Variants in DAB1 observed in about 807,000 individuals in gnomAD.
The protein encoded by DAB1 is DAB adaptor protein 1.
DAB1 carries 15 observed loss-of-function variants against 64.6 expected under a neutral mutation model. That is an observed-to-expected ratio of 0.23 (90% CI 0.16 to 0.36). DAB1 has a LOEUF of 0.36. Among genes scored for constraint, DAB1 ranks in the 10% least tolerant of loss-of-function variants. The pLI, the probability that DAB1 is intolerant of heterozygous loss-of-function variation, is 1.00. For synonymous variants in DAB1, 235 were observed against 251.9 expected (o/e 0.93, Z 0.64); for missense variants, 596 against 706.7 (o/e 0.84, Z 1.78).
chr1:57,466,689 G>T (rs767584133), intron 7 of DAB1, among the ~76,000 whole-genome samples: 1 of 152,172 alleles, frequency 6.6e-6, no homozygotes, highest in Non-Finnish European at 1.5e-5. Flanking sequence ...CTTAACTGGA[G>T]GCCCTGGGGA....
At chr1:58,451,020 G>C (rs995834339) in intron 3 of DAB1, among the ~76,000 whole-genome samples, 2 of 152,210 alleles carry the variant, frequency 1.3e-5, no homozygotes, top group African/African-American at 4.8e-5. Context: ...AGGAAAGCCT[G>C]AGAAAGTGTT....
chr1:58,488,280 T>C (rs1249666523), intron 3 of DAB1, among the ~76,000 whole-genome samples: 1 of 152,238 alleles, frequency 6.6e-6, no homozygotes, highest in Admixed American at 6.5e-5. Context: ...ATATTAATTT[T>C]ACTATACTAT....
chr1:58,166,514 G>T (rs1245790131), intron 4 of DAB1, among the ~76,000 whole-genome samples: 6 of 152,064 alleles, frequency 3.9e-5, no homozygotes, highest in Admixed American at 3.9e-4. Flanking sequence ...CACTGCCTGG[G>T]TATACTATAT....
chr1:57,000,463 T>C (rs1645817211), intron 14 of DAB1, among the ~76,000 whole-genome samples: 1 of 152,226 alleles, frequency 6.6e-6, no homozygotes, highest in Non-Finnish European at 1.5e-5. Flanking sequence ...CCCTTTGTCC[T>C]AAATACACTC....
At chr1:57,970,174 T>G (rs1420452876) in intron 5 of DAB1, among the ~76,000 whole-genome samples, 1 of 152,166 alleles carries the variant, frequency 6.6e-6, no homozygotes, top group Non-Finnish European at 1.5e-5. Flanking sequence ...AATAATAGCT[T>G]ATTGTCCATA....
At chr1:57,404,490 T>C (rs1457226868) in intron 1 of DAB1, among the ~76,000 whole-genome samples, 1 of 152,198 alleles carries the variant, frequency 6.6e-6, no homozygotes, top group African/African-American at 2.4e-5. Context: ...ATGGAACCCA[T>C]GCTGGTCTGA....
At chr1:57,325,393 T>G (rs1295866388) in intron 1 of DAB1, among the ~76,000 whole-genome samples, 1 of 152,180 alleles carries the variant, frequency 6.6e-6, no homozygotes, top group African/African-American at 2.4e-5. Flanking sequence ...CCCCAACACT[T>G]GGAGCACATT....
At chr1:58,251,239 T>C (rs1660787220) in intron 4 of DAB1, among the ~76,000 whole-genome samples, 1 of 152,194 alleles carries the variant, frequency 6.6e-6, no homozygotes, top group Admixed American at 6.5e-5. Context: ...AATTCACTCA[T>C]CAATAAATAT....
chr1:58,099,430 A>T (rs776241650), intron 5 of DAB1, among the ~76,000 whole-genome samples: 6 of 152,224 alleles, frequency 3.9e-5, no homozygotes, highest in Non-Finnish European at 8.8e-5. Flanking sequence ...TTTATTGATG[A>T]CCGTCTACGT....
intron 3 of DAB1, among the ~76,000 whole-genome samples, chr1:58,379,973 G>A (rs6699998): frequency 0.097 from 14,758 of 152,018 alleles, 841 homozygotes; most frequent in Middle Eastern, 0.17. Context: ...CCTATGTTTG[G>A]TCTAATGAAA....
At chr1:57,642,830 C>G (rs918661055) in intron 7 of DAB1, among the ~76,000 whole-genome samples, 1 of 152,136 alleles carries the variant, frequency 6.6e-6, no homozygotes, top group African/African-American at 2.4e-5. Flanking sequence ...TTCATTTTGT[C>G]CCAGATGCTG....
chr1:58,063,460 G>T (rs1028236076), intron 5 of DAB1, among the ~76,000 whole-genome samples: 17 of 152,186 alleles, frequency 1.1e-4, no homozygotes, highest in African/African-American at 4.1e-4. Flanking sequence ...AAAGTCCAGT[G>T]TATAGCCCGG....
intron 6 of DAB1, among the ~76,000 whole-genome samples, chr1:57,702,125 G>A (rs1166310876): frequency 1.3e-5 from 2 of 151,992 alleles, no homozygotes; most frequent in Admixed American, 6.6e-5. Context: ...TTGCTGTCTG[G>A]CTTGTTATAT....
At chr1:57,402,432 G>T (rs146456205) in intron 1 of DAB1, among the ~76,000 whole-genome samples, 19 of 152,150 alleles carry the variant, frequency 1.2e-4, no homozygotes, top group African/African-American at 4.6e-4. Flanking sequence ...TTACAGTCAC[G>T]TTTAAGGGCA....
chr1:57,185,935 C>A (rs1663510006), intron 2 of DAB1, among the ~76,000 whole-genome samples: 1 of 152,066 alleles, frequency 6.6e-6, no homozygotes, highest in South Asian at 2.1e-4. Context: ...AATTTTTAAA[C>A]TCAGAAAGCC....
intron 4 of DAB1, among the ~76,000 whole-genome samples, chr1:58,191,528 A>T (rs1051391315): frequency 7.2e-5 from 11 of 152,216 alleles, no homozygotes; most frequent in Admixed American, 3.9e-4. Context: ...AGAGGGGAAC[A>T]GGACTGTCCC....
At chr1:57,407,927 T>C (rs1432992271) in intron 1 of DAB1, among the ~76,000 whole-genome samples, 2 of 152,206 alleles carry the variant, frequency 1.3e-5, no homozygotes, top group Admixed American at 6.5e-5. Context: ...ATTTAAATGT[T>C]TGATGAGACC....
intron 6 of DAB1, among the ~76,000 whole-genome samples, chr1:57,818,946 T>C (rs1332430025): frequency 1.3e-5 from 2 of 152,186 alleles, no homozygotes; most frequent in African/African-American, 2.4e-5. Context: ...TTAATTTTAC[T>C]TTAATTTTAT....
Position 57,959,248 on chromosome 1 carries a change from A to G in DAB1, n.388-75086T>C, listed in dbSNP as rs191849790. Among the ~76,000 whole-genome samples, 437 of 152,330 alleles carry G rather than the reference A, an allele frequency of 2.9e-3. 4 individuals carry two copies. Among genetic ancestry groups the G allele is most frequent in the African/African-American group, 9.6e-3 (401 of 41,582 alleles). On this transcript the variant is annotated intron_variant and non_coding_transcript_variant, in intron 5 of 20. Coordinates refer to the DAB1 transcript ENST00000485760. ...TGAGGTGGGGAATGGCACCTGCCTCATAGGGCCAGTGCAAGGGTCAAATAT... is the reference window on the plus strand; with the variant it reads ...TGAGGTGGGGAATGGCACCTGCCTCGTAGGGCCAGTGCAAGGGTCAAATAT...
Sources: gnomAD v4.1 joint callset for allele counts (sites outside exome capture counted in the v4.1 genomes callset) on GRCh38, gnomAD v4.1.1 for gene constraint, MANE v1.5 for transcripts, NCBI Gene and HGNC (gene_info 2026-07-23, HGNC 2026-07-21) for gene names.